Variants in PCDHA8 observed in about 807,000 individuals in gnomAD.
PCDHA8 encodes protocadherin alpha-8.
Under a neutral mutation model 61.8 loss-of-function variants are expected in PCDHA8, and 53 were observed. The ratio of observed to expected loss-of-function variants is 0.86; its 90% CI spans 0.69 to 1.08. The LOEUF is 1.08. Among genes scored for constraint, PCDHA8 ranks in the 50% least tolerant of loss-of-function variants. The pLI, the probability that PCDHA8 is intolerant of heterozygous loss-of-function variation, is 0.00. For synonymous variants in PCDHA8, 618 were observed against 556.6 expected (o/e 1.11, Z -1.55); for missense variants, 1,293 against 1,245.0 (o/e 1.04, Z -0.58).
intron 1 of PCDHA8, chr5:140,967,990 G>C: frequency 6.2e-7 from 1 of 1,614,232 alleles, no homozygotes; most frequent in Non-Finnish European, 8.5e-7. Flanking sequence ...AGGCCACACT[G>C]CCTTTCCGAC....
chr5:140,903,146 C>A (rs2070035349), intron 1 of PCDHA8, among the ~76,000 whole-genome samples: 1 of 152,178 alleles, frequency 6.6e-6, no homozygotes, highest in South Asian at 2.1e-4. Flanking sequence ...AAACTGTTTT[C>A]CATAGTGGTT....
At chr5:140,848,091 A>C (rs1781318033) in intron 1 of PCDHA8, 1 of 168,880 alleles carries the variant, frequency 5.9e-6, no homozygotes, top group South Asian at 1.5e-4. Context: ...TTAAGTGGAG[A>C]GTTTTCTCAG....
intron 1 of PCDHA8, 117 bp downstream of exon 1, chr5:140,843,832 T>C (rs1176599211): frequency 8.9e-7 from 1 of 1,120,192 alleles, no homozygotes; most frequent in Non-Finnish European, 1.3e-6. Flanking sequence ...AAACATTGTT[T>C]AGTTTTTAGA....
At chr5:140,848,565 T>C (rs2150412911) in intron 1 of PCDHA8, 2 of 1,595,404 alleles carry the variant, frequency 1.3e-6, no homozygotes, top group African/African-American at 1.3e-5. Flanking sequence ...CCTCGCAATG[T>C]GGGTGGTGGG....
rs1460408085 is a variant in PCDHA8, at chr5:140,900,316, C to T, written c.2394+56601C>T. On this transcript the variant is annotated intron_variant, in intron 1 of 3. Coordinates refer to ENST00000531613, the MANE Select transcript of PCDHA8 (RefSeq NM_018911.3). ...TTTTTTTAGACAGTCTCACTTTTGT[C>T]GCCCAGGCTGGAGTACCGTGGCGCA... Among the ~76,000 whole-genome samples the T allele has an allele frequency of 1.2e-4, 18 of 152,172 alleles. No individual in the cohort carries two copies. The East Asian group carries it at 2.7e-3, about 23-fold the overall frequency.
chr5:140,961,982 C>T (rs1367678374), intron 1 of PCDHA8, among the ~76,000 whole-genome samples: 2 of 151,650 alleles, frequency 1.3e-5, no homozygotes, highest in African/African-American at 4.9e-5. Context: ...CTCCTGGGTT[C>T]ACGCCATTGT....
rs559093543 is a variant in PCDHA8 at position 140,936,623 on chromosome 5, A to G, written c.2395-42326A>G. Among the ~76,000 whole-genome samples, 3 of 152,312 alleles carry G rather than the reference A, an allele frequency of 2.0e-5. No individual in the cohort carries two copies. The East Asian group carries it at 5.8e-4, about 29-fold the overall frequency. On this transcript the variant is annotated intron_variant, in intron 1 of 3. Transcript: ENST00000531613. ...TTCCTCGCTGCTACTGTGCAGTGCT[A>G]CCTTTGTCATAAGCAACGTGACTTT...
At chr5:140,865,534 A>G (rs2048907246) in intron 1 of PCDHA8, 1 of 152,224 alleles carries the variant, frequency 6.6e-6, no homozygotes, top group South Asian at 2.1e-4. Flanking sequence ...CTCTTCATCC[A>G]TAGCTATAGG....
At chr5:140,895,525 T>G (rs1172545825) in intron 1 of PCDHA8, among the ~76,000 whole-genome samples, 1 of 152,196 alleles carries the variant, frequency 6.6e-6, no homozygotes, top group Non-Finnish European at 1.5e-5. Context: ...GGTTTATTCG[T>G]TTTTCAATTG....
At chr5:140,848,333 C>T in intron 1 of PCDHA8, 2 of 843,612 alleles carry the variant, frequency 2.4e-6, no homozygotes, top group Non-Finnish European at 1.9e-6. Flanking sequence ...TCTCTGAATC[C>T]AGACAAATAC....
At chr5:140,957,851 T>TG (rs2095389296) in intron 1 of PCDHA8, among the ~76,000 whole-genome samples, 1 of 136,014 alleles carries the variant, frequency 7.4e-6, no homozygotes. Flanking sequence ...AGAGTTTGTG[T>TG]ATTTTTTTTC....
At chr5:140,950,559 T>TAA (rs1381352344) in intron 1 of PCDHA8, among the ~76,000 whole-genome samples, 1 of 152,076 alleles carries the variant, frequency 6.6e-6, no homozygotes, top group African/African-American at 2.4e-5. Flanking sequence ...GGGGGACACT[T>TAA]ATTTTAAGGT....
At chr5:140,969,347 G>C (rs1554231707) in intron 1 of PCDHA8, 1 of 1,613,472 alleles carries the variant, frequency 6.2e-7, no homozygotes, top group South Asian at 1.1e-5. Context: ...ACAGTGGTCA[G>C]GGGGTCTTCT....
chr5:140,952,081 A>G (rs1554220214), intron 1 of PCDHA8, among the ~76,000 whole-genome samples: 3 of 152,064 alleles, frequency 2.0e-5, no homozygotes. Flanking sequence ...CATTGACTCC[A>G]TGTCTCACAT....
chr5:140,850,073 G>A, intron 1 of PCDHA8: 1 of 1,596,556 alleles, frequency 6.3e-7, no homozygotes, highest in Non-Finnish European at 8.6e-7. Context: ...TGGACCACGA[G>A]GAGCTGGAGC....
chr5:140,978,845 T>C, intron 1 of PCDHA8, 104 bp from the exon 2 acceptor site: 7 of 1,569,708 alleles, frequency 4.5e-6, no homozygotes, highest in Non-Finnish European at 6.1e-6. Flanking sequence ...AATACTTTTT[T>C]AGATGCCTGG....
rs1318290193 is a variant in PCDHA8, at chr5:140,849,912, C to G, written c.2394+6197C>G. ...GAAGGAGAACAACCCGCCGGGCTGCCACATCTTCACGGTGTCTGCGCGGGA... is the reference window on the plus strand; with the variant it reads ...GAAGGAGAACAACCCGCCGGGCTGCGACATCTTCACGGTGTCTGCGCGGGA... On this transcript the variant is annotated intron_variant, in intron 1 of 3. Coordinates refer to ENST00000531613, the MANE Select transcript of PCDHA8 (RefSeq NM_018911.3). 51 of 1,598,266 alleles carry G rather than the reference C, an allele frequency of 3.2e-5. 3 individuals are homozygous for G. The highest frequency in any genetic ancestry group is 4.2e-5 in the Non-Finnish European group (49 of 1,167,792).
intron 1 of PCDHA8, chr5:140,857,719 G>A (rs781995177): frequency 6.3e-7 from 1 of 1,597,526 alleles, no homozygotes. Flanking sequence ...TGCTGGACGA[G>A]AACGACAACG....
At chr5:140,995,488 C>T (rs1402273935) in intron 3 of PCDHA8, among the ~76,000 whole-genome samples, 26 of 152,182 alleles carry the variant, frequency 1.7e-4, no homozygotes, top group Admixed American at 1.6e-3. Context: ...TATTTTCAGA[C>T]TAAGGTTGAC....
Sources: gnomAD v4.1 joint callset for allele counts (sites outside exome capture counted in the v4.1 genomes callset) on GRCh38, gnomAD v4.1.1 for gene constraint, MANE v1.5 for transcripts, NCBI Gene and HGNC (gene_info 2026-07-23, HGNC 2026-07-21) for gene names.